The following HPF1 variants were observed in gnomAD, a reference collection of about 807,000 sequenced individuals.
The protein encoded by HPF1 is histone PARylation factor 1, also known as UPF0609 protein C4orf27.
Under a neutral mutation model 38.8 loss-of-function variants are expected in HPF1, and 35 were observed. The observed-to-expected ratio is 0.90, with a 90% CI of 0.69 to 1.19. HPF1 has a LOEUF of 1.19. Among genes scored for constraint, HPF1 ranks in the 50% most tolerant of loss-of-function variants. The probability of loss-of-function intolerance (pLI) is 0.00; values close to 1 mark genes in which losing one functional copy is unlikely to be tolerated. For missense variants in HPF1, 367 were observed against 405.8 expected, an observed-to-expected ratio of 0.90 and a Z score of 0.82; for synonymous variants, 115 against 139.2, an observed-to-expected ratio of 0.83 and a Z score of 1.22.
At chr4:169,755,469 T>C (rs1421364731) in intron 1 of HPF1, among the ~76,000 whole-genome samples, 4 of 152,180 alleles carry the variant, frequency 2.6e-5, no homozygotes, top group African/African-American at 4.8e-5. Context: ...GATTTGGGGA[T>C]ATATGGAAAT....
intron 1 of HPF1, 128 bp downstream of exon 1, chr4:169,757,702 A>T (rs905052611): frequency 1.1e-6 from 1 of 934,644 alleles, no homozygotes; most frequent in Non-Finnish European, 1.6e-6. Flanking sequence ...GGATCCCCGC[A>T]GCAAACCGCA....
intron 3 of HPF1, among the ~76,000 whole-genome samples, chr4:169,750,155 G>C (rs6553455): frequency 0.064 from 9,747 of 152,196 alleles, 1,035 homozygotes; most frequent in African/African-American, 0.22. Flanking sequence ...GTCACAGTCA[G>C]TAATGATACA....
intron 5 of HPF1, among the ~76,000 whole-genome samples, chr4:169,738,688 A>G (rs1180471833): frequency 6.6e-6 from 1 of 152,176 alleles, no homozygotes; most frequent in African/African-American, 2.4e-5. Flanking sequence ...ACCACTTGGG[A>G]AAAAAATGAA....
At chr4:169,749,548 G>T (rs1310916648) in intron 3 of HPF1, among the ~76,000 whole-genome samples, 3 of 151,864 alleles carry the variant, frequency 2.0e-5, no homozygotes, top group Admixed American at 6.6e-5. Context: ...GGAAAGCCAG[G>T]TCCCTCCCAA....
intron 2 of HPF1, among the ~76,000 whole-genome samples, chr4:169,752,360 C>T (rs374525900): frequency 6.6e-6 from 1 of 151,964 alleles, no homozygotes; most frequent in Non-Finnish European, 1.5e-5. Flanking sequence ...TTTAAAGAAA[C>T]AGCTACACAG....
chr4:169,757,863 G>C lies in HPF1; in HGVS notation c.15C>G (p.Gly5=), dbSNP rs760816547. The C allele has an allele frequency of 6.4e-7, 1 of 1,563,354 alleles. No individual in the cohort carries two copies. The highest frequency in any genetic ancestry group is 8.6e-7 in the Non-Finnish European group (1 of 1,161,570). Residue 5 remains glycine, a synonymous_variant, in exon 1 of 8, where the codon GGC becomes GGG. Coordinates refer to ENST00000393381, the MANE Select transcript of HPF1 (RefSeq NM_017867.3). Reference sequence around the variant, plus strand: ...CCTCTCCGCCGGGCCTGCGCTTCCCGCCACCGCCGACCATTCTGCAGCTGC... The same window carrying C: ...CCTCTCCGCCGGGCCTGCGCTTCCCCCCACCGCCGACCATTCTGCAGCTGC... MVGG[G]GKRRPGGEGP...
chr4:169,743,127 G>T (rs1482920389), intron 4 of HPF1, among the ~76,000 whole-genome samples: 1 of 150,458 alleles, frequency 6.6e-6, no homozygotes, highest in African/African-American at 2.4e-5. Context: ...CTTTTTTTCC[G>T]AGATGTTGTT....
chr4:169,734,959 TC>T (rs1733873880), intron 6 of HPF1, among the ~76,000 whole-genome samples: 1 of 151,918 alleles, frequency 6.6e-6, no homozygotes, highest in Non-Finnish European at 1.5e-5. Flanking sequence ...AAACCCTGTC[TC>T]TACTAAAAAT....
At chr4:169,755,844 G>A (rs1734182088) in intron 1 of HPF1, among the ~76,000 whole-genome samples, 1 of 152,222 alleles carries the variant, frequency 6.6e-6, no homozygotes, top group Non-Finnish European at 1.5e-5. Context: ...ACGGATAGGA[G>A]AGGAACACGT....
chr4:169,750,801 C>A, intron 2 of HPF1, 76 bp from the exon 3 acceptor site: 1 of 1,106,234 alleles, frequency 9.0e-7, no homozygotes, highest in Non-Finnish European at 1.3e-6. Context: ...TAAACTATTT[C>A]TAAGCAATTG....
chr4:169,733,753 G>A (rs1390259123), intron 6 of HPF1, among the ~76,000 whole-genome samples: 3 of 151,942 alleles, frequency 2.0e-5, no homozygotes, highest in Non-Finnish European at 4.4e-5. Context: ...GAAATTAGCT[G>A]GACTTGGTGG....
At chr4:169,751,535 T>C (rs1734119791) in intron 2 of HPF1, among the ~76,000 whole-genome samples, 1 of 152,190 alleles carries the variant, frequency 6.6e-6, no homozygotes, top group African/African-American at 2.4e-5. Flanking sequence ...CCATCTTCCT[T>C]CTCTATTCAC....
At chr4:169,733,515 C>T (rs868852729) in intron 6 of HPF1, among the ~76,000 whole-genome samples, 1 of 152,170 alleles carries the variant, frequency 6.6e-6, no homozygotes. Flanking sequence ...AACAATTATA[C>T]TCAAGAATGA....
intron 2 of HPF1, 126 bp from the exon 3 acceptor site, chr4:169,750,851 G>A: frequency 1.6e-6 from 1 of 619,214 alleles, no homozygotes; most frequent in Non-Finnish European, 2.7e-6. Flanking sequence ...CTTGAGTTAT[G>A]TGTGAAGATG....
intron 7 of HPF1, among the ~76,000 whole-genome samples, chr4:169,730,355 C>T (rs892204729): frequency 5.3e-5 from 8 of 152,192 alleles, no homozygotes; most frequent in African/African-American, 1.9e-4. Flanking sequence ...CACTGGTTCA[C>T]ATCTTATGGC....
Position 169,753,687 on chromosome 4 carries a change from T to C in HPF1, c.197A>G (p.Glu66Gly). Residue 66 changes from glutamate to glycine, a missense_variant, in exon 2 of 8, where the codon GAA (glutamate) becomes GGA (glycine). Glu to Gly is a moderately conservative substitution (Grantham distance 98). Transcript: ENST00000393381. Reference sequence around the variant, plus strand: ...CTGGAGCAACTCACCAGATGGCTTTTCAGGATCAAGTTCTTCACAGAACTT... The same window carrying C: ...CTGGAGCAACTCACCAGATGGCTTTCCAGGATCAAGTTCTTCACAGAACTT... ...FWKFCEELDP[E>G]KPSDSLSASL... 1.2e-6 allele frequency: 2 copies of C among 1,611,168 alleles called. No individual in the cohort carries two copies. Among genetic ancestry groups the C allele is most frequent in the Non-Finnish European group, 1.7e-6 (2 of 1,179,442 alleles).
At position 169,750,803 on chromosome 4, in the gene HPF1, A is replaced by C. The variant is rs1337897987; in HGVS notation, c.209-78T>G. 19 of 1,097,376 alleles carry C rather than the reference A, an allele frequency of 1.7e-5. No homozygotes were observed. In the Admixed American group the frequency reaches 4.7e-4, roughly 27 times the overall value. The allele number at this position is 1,097,376 out of a possible 1,614,324, so 68.0% of individuals were successfully genotyped here. ...TGCTTTTATTTAGTAAACTATTTCT[A>C]AGCAATTGTCTTTAAAAAGTTTCTA... On this transcript the variant is annotated intron_variant, in intron 2 of 7. Transcript: ENST00000393381.
In HPF1 at chr4:169,753,759, T is replaced by C; in HGVS notation, c.125A>G (p.Glu42Gly). ...AGGTAAAGAAAGCTTATAATGATTT[T>C]CTACTTCTTTTCGAAGGTCACTGGA... is the stretch of plus-strand genomic sequence containing the variant. ...DVSSDLRKEV[E>G]NHYKLSLPED... is the part of the protein sequence containing the mutation. The change falls in exon 2 of 8, where the codon GAA becomes GGA. Residue 42 changes from glutamate to glycine, a missense_variant. Glu to Gly is a moderately conservative substitution (Grantham distance 98, BLOSUM62 -2). Coordinates refer to ENST00000393381, the MANE Select transcript of HPF1 (RefSeq NM_017867.3). 1 of 1,613,682 alleles carries C rather than the reference T, an allele frequency of 6.2e-7. No homozygotes were observed. The highest frequency in any genetic ancestry group is 1.1e-5 in the South Asian group (1 of 91,016).
chr4:169,738,311 C>A (rs1215925219), intron 5 of HPF1, among the ~76,000 whole-genome samples: 1 of 152,148 alleles, frequency 6.6e-6, no homozygotes, highest in Non-Finnish European at 1.5e-5. Flanking sequence ...AACCAGTGAG[C>A]TTTTATTAAG....
Sources: gnomAD v4.1 joint callset for allele counts (sites outside exome capture counted in the v4.1 genomes callset) on GRCh38, gnomAD v4.1.1 for gene constraint, MANE v1.5 for transcripts, NCBI Gene and HGNC (gene_info 2026-07-23, HGNC 2026-07-21) for gene names.